GREB1: variants seen among roughly 807,000 people sequenced by gnomAD.
GREB1 encodes growth regulating estrogen receptor binding 1.
Under a neutral mutation model 200.7 loss-of-function variants are expected in GREB1, and 106 were observed. The observed-to-expected ratio is 0.53, with a 90% CI of 0.45 to 0.62. The LOEUF (loss-of-function observed/expected upper bound fraction) is 0.62, where lower values mean the gene tolerates loss of function less well. GREB1 is among the 20% of genes least tolerant of loss of function. The pLI, the probability that GREB1 is intolerant of heterozygous loss-of-function variation, is 0.00. For synonymous variants in GREB1, 1,132 were observed against 1,092.4 expected (o/e 1.04, Z -0.72); for missense variants, 2,243 against 2,556.8 (o/e 0.88, Z 2.65).
At chr2:11,623,208 CAA>C (rs1684151234) in intron 23 of GREB1, among the ~76,000 whole-genome samples, 1 of 152,210 alleles carries the variant, frequency 6.6e-6, no homozygotes, top group Admixed American at 6.5e-5. Context: ...AGGCATTACT[CAA>C]GTGTTTGTAG....
At chr2:11,625,129 A>G (rs375502504) in intron 23 of GREB1, 25 bp from the exon 24 acceptor site, 17 of 1,593,042 alleles carry the variant, frequency 1.1e-5, no homozygotes, top group Non-Finnish European at 1.3e-5. Flanking sequence ...ATTTTGTCAC[A>G]TCTATGTTTC....
At position 11,588,587 on chromosome 2, in the gene GREB1, G is replaced by A; in HGVS notation, c.1160-159G>A. Reference sequence around the variant, plus strand: ...ATCCTAGGCTCCAGGAGGGTGAGCAGGTGCACTCAATGAGCAAGGCTTCCC... The same window carrying A: ...ATCCTAGGCTCCAGGAGGGTGAGCAAGTGCACTCAATGAGCAAGGCTTCCC... On this transcript the variant is annotated intron_variant, in intron 9 of 32. Coordinates refer to ENST00000381486, the MANE Select transcript of GREB1 (RefSeq NM_014668.4). 4.1e-6 allele frequency: 3 copies of A among 724,584 alleles called. No homozygotes were observed. In the South Asian group the frequency reaches 4.7e-5, roughly 11 times the overall value. The allele number at this position is 724,584 out of a possible 1,614,324, so 44.9% of individuals were successfully genotyped here.
intron 2 of GREB1, among the ~76,000 whole-genome samples, chr2:11,559,692 C>T (rs969806232): frequency 7.9e-5 from 12 of 152,302 alleles, no homozygotes; most frequent in African/African-American, 1.7e-4. Context: ...CTTCTGTGTC[C>T]GACATGGAGA....
chr2:11,484,787 T>C (rs1379013547), intron 1 of GREB1, among the ~76,000 whole-genome samples: 2 of 152,200 alleles, frequency 1.3e-5, no homozygotes, highest in Non-Finnish European at 2.9e-5. Flanking sequence ...AAGCTGAGGC[T>C]GAAACTAAAT....
intron 1 of GREB1, among the ~76,000 whole-genome samples, chr2:11,543,886 G>A (rs1038789139): frequency 4.6e-5 from 7 of 152,264 alleles, no homozygotes; most frequent in South Asian, 2.1e-4. Context: ...ATTGACGCCC[G>A]TCTGTGAATG....
intron 1 of GREB1, among the ~76,000 whole-genome samples, chr2:11,549,231 C>T (rs752814515): frequency 6.6e-6 from 1 of 152,034 alleles, no homozygotes; most frequent in Non-Finnish European, 1.5e-5. Flanking sequence ...GATTGATCTT[C>T]CAGTTGTCTT....
At chr2:11,591,556 G>T (rs1680728593) in intron 10 of GREB1, 3 of 674,528 alleles carry the variant, frequency 4.4e-6, no homozygotes, top group Non-Finnish European at 8.3e-6. Flanking sequence ...CCAAATGATG[G>T]TACCCAGTGG....
intron 2 of GREB1, among the ~76,000 whole-genome samples, chr2:11,557,802 C>T (rs1016712652): frequency 2.6e-5 from 4 of 152,174 alleles, no homozygotes; most frequent in Non-Finnish European, 5.9e-5. Flanking sequence ...TGGTCAAAAC[C>T]ATGCATTAGG....
chr2:11,530,820 ATACACACAAT>A (rs1674047256), upstream of GREB1, among the ~76,000 whole-genome samples: 1 of 152,098 alleles, frequency 6.6e-6, no homozygotes, highest in Admixed American at 6.5e-5. Context: ...CTTAAGTTTA[ATACACACAAT>A]TTTTAAAAAG....
intron 1 of GREB1, among the ~76,000 whole-genome samples, chr2:11,518,791 A>G (rs1213725996): frequency 6.6e-6 from 1 of 151,070 alleles, no homozygotes; most frequent in Non-Finnish European, 1.5e-5. Flanking sequence ...AAATATAAGC[A>G]TGTGTCTTTT....
intron 9 of GREB1, chr2:11,588,404 G>T: frequency 1.7e-6 from 1 of 578,724 alleles, no homozygotes; most frequent in Non-Finnish European, 2.6e-6. Flanking sequence ...TGCCCACAAG[G>T]TGTCCCATTG....
chr2:11,603,287 A>G (rs1313476289), intron 17 of GREB1, among the ~76,000 whole-genome samples: 1 of 152,146 alleles, frequency 6.6e-6, no homozygotes, highest in African/African-American at 2.4e-5. Context: ...ACAAAATACC[A>G]CTGATTGTCA....
intron 11 of GREB1, 33 bp from the exon 12 acceptor site, chr2:11,595,218 C>G: frequency 1.3e-6 from 2 of 1,592,960 alleles, no homozygotes; most frequent in Non-Finnish European, 1.7e-6. Flanking sequence ...AGGGAAGATA[C>G]AATGGGTACT....
chr2:11,554,817 C>A (rs1029829815), intron 1 of GREB1, among the ~76,000 whole-genome samples: 1 of 152,150 alleles, frequency 6.6e-6, no homozygotes, highest in Non-Finnish European at 1.5e-5. Flanking sequence ...CAAAAAGAAA[C>A]CCTTAACAAG....
intron 17 of GREB1, among the ~76,000 whole-genome samples, chr2:11,609,425 T>G (rs1435769586): frequency 2.6e-5 from 4 of 152,032 alleles, no homozygotes; most frequent in Non-Finnish European, 5.9e-5. Context: ...TGTGCCACCA[T>G]GCCTGACTAA....
chr2:11,589,558 A>G (rs1476035354), intron 10 of GREB1, among the ~76,000 whole-genome samples: 5 of 152,206 alleles, frequency 3.3e-5, no homozygotes, highest in Non-Finnish European at 7.3e-5. Context: ...GTGTGATTCT[A>G]TGTAGACACA....
At chr2:11,518,744 AT>A in intron 1 of GREB1, among the ~76,000 whole-genome samples, 1 of 146,160 alleles carries the variant, frequency 6.8e-6, no homozygotes. Flanking sequence ...GTAAAGTGAA[AT>A]ACAAAAAAAA....
intron 1 of GREB1, among the ~76,000 whole-genome samples, chr2:11,541,745 C>T (rs1236928205): frequency 2.0e-5 from 3 of 152,158 alleles, no homozygotes; most frequent in African/African-American, 4.8e-5. Flanking sequence ...TGGTTAATTT[C>T]AAACACCTTA....
Position 11,587,741 on chromosome 2 carries a change from A to ACACACACACACACACACGCGCGCGCGCG in GREB1, c.1160-1004_1160-1003insACACACACACACACACGCGCGCGCGCGC. On this transcript the variant is annotated intron_variant, in intron 9 of 32. Transcript: ENST00000381486. ...CACACACACACACACACACACACAC[A>ACACACACACACACACACGCGCGCGCGCG]CGCCACCTTTGGGAGCTCAGCAGCC... is the stretch of plus-strand genomic sequence containing the variant. The ACACACACACACACACACGCGCGCGCGCG allele has an allele frequency of 5.3e-5, 42 of 788,322 alleles. No individual in the cohort carries two copies. The African/African-American group carries it at 6.7e-4, about 13-fold the overall frequency. 48.8% of individuals were successfully genotyped at this position (788,322 alleles called of 1,614,324 possible).
Sources: gnomAD v4.1 joint callset for allele counts (sites outside exome capture counted in the v4.1 genomes callset) on GRCh38, gnomAD v4.1.1 for gene constraint, MANE v1.5 for transcripts, NCBI Gene and HGNC (gene_info 2026-07-23, HGNC 2026-07-21) for gene names.